Variants in AGBL4 observed in about 807,000 individuals in gnomAD.
The protein encoded by AGBL4 is AGBL carboxypeptidase 4.
Under a neutral mutation model 66.4 loss-of-function variants are expected in AGBL4, and 58 were observed. The ratio of observed to expected loss-of-function variants is 0.87; its 90% CI spans 0.71 to 1.09. The LOEUF is 1.09. Among genes scored for constraint, AGBL4 ranks in the 50% least tolerant of loss-of-function variants. AGBL4 has a pLI of 0.00. For synonymous variants in AGBL4, 234 were observed against 222.9 expected (o/e 1.05, Z -0.44); for missense variants, 579 against 631.0 (o/e 0.92, Z 0.88).
chr1:48,609,035 G>A lies in AGBL4; in HGVS notation c.952-18050C>T, dbSNP rs531572110. Among the ~76,000 whole-genome samples, 5 of 152,258 alleles carry A rather than the reference G, an allele frequency of 3.3e-5. 1 individual carries two copies. The highest frequency in any genetic ancestry group is 1.9e-4 in the East Asian group (1 of 5,178). The stretch of plus-strand genomic sequence containing the variant: ...AAGTGACTTGCCTAGGGTTACGTAG[G>A]GAAGCCAAGGGATCAGATAAATAGG... On this transcript the variant is annotated intron_variant, in intron 9 of 13. Transcript: ENST00000371839.
intron 2 of AGBL4, among the ~76,000 whole-genome samples, chr1:49,798,715 C>A (rs1406937027): frequency 6.6e-6 from 1 of 152,016 alleles, no homozygotes; most frequent in Non-Finnish European, 1.5e-5. Flanking sequence ...TGCAATGCAT[C>A]CAAAGAACTT....
chr1:49,026,922 C>T (rs1047591047), intron 5 of AGBL4, among the ~76,000 whole-genome samples: 3 of 152,044 alleles, frequency 2.0e-5, no homozygotes, highest in African/African-American at 7.2e-5. Context: ...ACTGATGGTT[C>T]ACTTACTGGT....
chr1:49,967,729 C>A (rs1381851054), intron 1 of AGBL4, among the ~76,000 whole-genome samples: 5 of 152,096 alleles, frequency 3.3e-5, no homozygotes, highest in East Asian at 1.9e-4. Flanking sequence ...TCCTAACAAG[C>A]TTAAGGCCTT....
rs559032396 is a variant in AGBL4, at chr1:49,330,701, T to C, written c.283-84837A>G. 2.4e-4 allele frequency among the ~76,000 whole-genome samples: 36 copies of C among 152,244 alleles called. No homozygotes were observed. The South Asian group carries it at 7.5e-3, about 32-fold the overall frequency. On this transcript the variant is annotated intron_variant, in intron 3 of 13. Coordinates refer to ENST00000371839, the MANE Select transcript of AGBL4 (RefSeq NM_032785.4). ...TTAGAACATGAGACACTGCTGAATA[T>C]TATTACAAATATAAAATAGTGTTTT... is the stretch of plus-strand genomic sequence containing the variant.
At chr1:48,621,486 A>G (rs2148396948) in intron 9 of AGBL4, among the ~76,000 whole-genome samples, 1 of 152,340 alleles carries the variant, frequency 6.6e-6, no homozygotes, top group Non-Finnish European at 1.5e-5. Context: ...TAAAGTTAAC[A>G]TATACTTGTG....
intron 12 of AGBL4, among the ~76,000 whole-genome samples, chr1:48,536,218 G>A (rs1643968300): frequency 6.6e-6 from 1 of 152,112 alleles, no homozygotes; most frequent in South Asian, 2.1e-4. Flanking sequence ...CCAGCAAGAG[G>A]AAAAAGGATG....
intron 1 of AGBL4, among the ~76,000 whole-genome samples, chr1:49,992,043 C>T (rs1482337344): frequency 6.6e-6 from 1 of 152,182 alleles, no homozygotes; most frequent in Non-Finnish European, 1.5e-5. Flanking sequence ...AGCCACTTCT[C>T]TTCCTTCATC....
intron 5 of AGBL4, among the ~76,000 whole-genome samples, chr1:48,947,990 T>C (rs1310543146): frequency 6.6e-6 from 1 of 151,686 alleles, no homozygotes; most frequent in African/African-American, 2.4e-5. Context: ...TCCCAGGTAA[T>C]ACAGGTTAAT....
At chr1:49,994,284 CAAT>C (rs1660184230) in intron 1 of AGBL4, 1 of 135,546 alleles carries the variant, frequency 7.4e-6, no homozygotes, top group African/African-American at 2.8e-5. Flanking sequence ...GAAGACAATA[CAAT>C]GTGTTGAACT....
chr1:48,808,356 ATTAGT>A (rs1463024950), intron 6 of AGBL4, among the ~76,000 whole-genome samples: 1 of 152,212 alleles, frequency 6.6e-6, no homozygotes, highest in Admixed American at 6.5e-5. Flanking sequence ...CAAGATAGAT[ATTAGT>A]ACTCCTGCTT....
At chr1:49,555,446 T>C (rs1228482924) in intron 3 of AGBL4, among the ~76,000 whole-genome samples, 2 of 150,710 alleles carry the variant, frequency 1.3e-5, no homozygotes, top group African/African-American at 4.9e-5. Flanking sequence ...ATTGGTGTGT[T>C]TACAAACCTT....
In AGBL4 at chr1:49,566,406, G is replaced by A. The variant is rs1371156105; in HGVS notation, c.282+130907C>T. Among the ~76,000 whole-genome samples the A allele has an allele frequency of 3.9e-5, 6 of 152,132 alleles. No homozygotes were observed. In the East Asian group the frequency reaches 1.2e-3, roughly 29 times the overall value. On this transcript the variant is annotated intron_variant, in intron 3 of 13. Coordinates refer to ENST00000371839, the MANE Select transcript of AGBL4 (RefSeq NM_032785.4). ...TTTTAGTTTCCAATTTTTCTGCTCT[G>A]TTTTTTCCCCATCTTTGTGGTTTTA...
chr1:49,506,525 G>A (rs1189024079), intron 3 of AGBL4, among the ~76,000 whole-genome samples: 1 of 151,800 alleles, frequency 6.6e-6, no homozygotes, highest in Non-Finnish European at 1.5e-5. Context: ...TTTATAAAGG[G>A]GAGTTCCCCT....
chr1:49,497,548 A>C (rs1647715304), intron 3 of AGBL4, among the ~76,000 whole-genome samples: 2 of 151,874 alleles, frequency 1.3e-5, no homozygotes. Flanking sequence ...ATTCATTTTG[A>C]GTTTATTTTT....
At chr1:48,932,976 T>G (rs1032378408) in intron 5 of AGBL4, among the ~76,000 whole-genome samples, 2 of 152,110 alleles carry the variant, frequency 1.3e-5, no homozygotes, top group South Asian at 2.1e-4. Context: ...GAAAAAGACT[T>G]CATTTTTTTC....
At chr1:49,546,100 C>T (rs1652458810) in intron 3 of AGBL4, among the ~76,000 whole-genome samples, 1 of 152,098 alleles carries the variant, frequency 6.6e-6, no homozygotes, top group Non-Finnish European at 1.5e-5. Context: ...TCATAGCTTA[C>T]CTCCCACATG....
chr1:49,866,642 T>C (rs1646707878), intron 1 of AGBL4, among the ~76,000 whole-genome samples: 1 of 152,038 alleles, frequency 6.6e-6, no homozygotes, highest in Non-Finnish European at 1.5e-5. Context: ...CATGCACCTG[T>C]AATCCCAGCT....
intron 5 of AGBL4, among the ~76,000 whole-genome samples, chr1:48,968,627 A>T (rs1235617414): frequency 2.0e-5 from 3 of 152,150 alleles, no homozygotes; most frequent in Non-Finnish European, 2.9e-5. Context: ...CATTCTATAA[A>T]TAGAGAAGCT....
intron 3 of AGBL4, among the ~76,000 whole-genome samples, chr1:49,529,830 A>C (rs1650953568): frequency 6.6e-6 from 1 of 152,016 alleles, no homozygotes; most frequent in Non-Finnish European, 1.5e-5. Context: ...GGCTAGAGAT[A>C]AATGTTCCGG....
Sources: allele counts gnomAD v4.1 joint callset (sites outside exome capture counted in the v4.1 genomes callset), GRCh38; gene constraint gnomAD v4.1.1; transcripts MANE v1.5; gene names NCBI Gene and HGNC (gene_info 2026-07-23, HGNC 2026-07-21).